XPOT: variants seen among roughly 807,000 people sequenced by gnomAD.
The protein encoded by XPOT is exportin-T.
Under a neutral mutation model 128.2 loss-of-function variants are expected in XPOT, and 34 were observed. The ratio of observed to expected loss-of-function variants is 0.27; its 90% CI spans 0.20 to 0.35. The LOEUF is 0.35. XPOT is among the 10% of genes least tolerant of loss of function. XPOT has a pLI of 1.00. For synonymous variants in XPOT, 348 were observed against 394.3 expected, an observed-to-expected ratio of 0.88 and a Z score of 1.39; for missense variants, 838 against 1,125.3, an observed-to-expected ratio of 0.74 and a Z score of 3.65.
At position 64,439,158 on chromosome 12, in the gene XPOT, T is replaced by C. The variant is rs1470762621; in HGVS notation, c.2734-86T>C. 6.8e-6 allele frequency: 9 copies of C among 1,319,250 alleles called. No individual in the cohort carries two copies. The Admixed American group carries it at 1.4e-4, about 20-fold the overall frequency. 81.7% of individuals were successfully genotyped at this position (1,319,250 alleles called of 1,614,324 possible). A position where few individuals can be genotyped will look rare whatever the true frequency, so the allele number is the denominator to read the frequency against. On this transcript the variant is annotated intron_variant, in intron 22 of 24. Coordinates refer to ENST00000332707, the MANE Select transcript of XPOT (RefSeq NM_007235.6). Reference sequence around the variant, plus strand: ...TCTTAAGCACAATACTATATTGCCTTTAAAGTGTACATGTATTGTTCCGAT... The same window carrying C: ...TCTTAAGCACAATACTATATTGCCTCTAAAGTGTACATGTATTGTTCCGAT...
At chr12:64,432,232 C>T (rs985404731) in intron 18 of XPOT, among the ~76,000 whole-genome samples, 1 of 151,988 alleles carries the variant, frequency 6.6e-6, no homozygotes, top group Admixed American at 6.6e-5. Context: ...TTACATAGTA[C>T]CTCTTTTTTC....
intron 22 of XPOT, among the ~76,000 whole-genome samples, chr12:64,438,712 G>C (rs1286803648): frequency 1.3e-5 from 2 of 150,762 alleles, no homozygotes; most frequent in African/African-American, 4.9e-5. Context: ...ACTGCAGCCT[G>C]CGCCTGCCAG....
At chr12:64,426,111 G>T (rs1397692429) in intron 15 of XPOT, among the ~76,000 whole-genome samples, 1 of 151,910 alleles carries the variant, frequency 6.6e-6, no homozygotes, top group African/African-American at 2.4e-5. Context: ...TTGGAGACCA[G>T]CCTGGCCAAC....
Position 64,425,462 on chromosome 12 carries a change from G to A in XPOT, c.1572+5G>A. ...CAGCACATTCCATGTGTACTAGTAA[G>A]TACTCTGGATTTTTGTTACTTTCCA... On this transcript the variant is annotated splice_donor_5th_base_variant and intron_variant, in intron 14 of 24. Coordinates refer to ENST00000332707, the MANE Select transcript of XPOT (RefSeq NM_007235.6). 1 of 1,612,564 alleles carries A rather than the reference G, an allele frequency of 6.2e-7. No individual in the cohort carries two copies. The highest frequency in any genetic ancestry group is 8.5e-7 in the Non-Finnish European group (1 of 1,179,534).
At chr12:64,444,231 T>A (rs1461601768) in intron 23 of XPOT, among the ~76,000 whole-genome samples, 2 of 152,192 alleles carry the variant, frequency 1.3e-5, no homozygotes, top group Admixed American at 1.3e-4. Flanking sequence ...ATGTAGTTTT[T>A]GTCCCATTCA....
intron 9 of XPOT, 103 bp from the exon 10 acceptor site, chr12:64,422,902 C>CAACAA: frequency 1.2e-6 from 1 of 869,526 alleles, no homozygotes; most frequent in South Asian, 1.8e-5. Context: ...GACCTTGTCT[C>CAACAA]AAAAAAAAAA....
chr12:64,433,290 T>G, intron 18 of XPOT, 124 bp from the exon 19 acceptor site: 2 of 902,832 alleles, frequency 2.2e-6, no homozygotes, highest in Non-Finnish European at 3.3e-6. Context: ...AATTGATATT[T>G]GCTAACTGAA....
Position 64,430,060 on chromosome 12 carries a change from C to T in XPOT, c.1749C>T (p.His583=), listed in dbSNP as rs1000921285. 2.5e-6 allele frequency: 4 copies of T among 1,587,956 alleles called. No homozygotes were observed. Among genetic ancestry groups the T allele is most frequent in the Non-Finnish European group, 2.6e-6 (3 of 1,170,112 alleles). ...GAATTTCATTCTAGGAGAATGGCCA[C>T]CAGTCCTTACTGAGCAGCGATGATC... ...LLELSPPENG[H]QSLLSSDDQL... The change falls in exon 17 of 25, where the codon CAC becomes CAT. Residue 583 remains histidine (H), a synonymous_variant. Transcript: ENST00000332707.
intron 16 of XPOT, among the ~76,000 whole-genome samples, chr12:64,429,316 A>G (rs2040217804): frequency 6.6e-6 from 1 of 152,220 alleles, no homozygotes. Flanking sequence ...CACTGAGGGC[A>G]GGTCTTCCCC....
intron 22 of XPOT, among the ~76,000 whole-genome samples, chr12:64,436,825 C>T (rs1201250907): frequency 6.6e-6 from 1 of 152,220 alleles, no homozygotes; most frequent in Non-Finnish European, 1.5e-5. Context: ...AAACATTCCT[C>T]CTGCCTTGGC....
intron 16 of XPOT, 78 bp downstream of exon 16, chr12:64,428,198 C>A: frequency 5.0e-6 from 5 of 999,184 alleles, no homozygotes; most frequent in Middle Eastern, 2.1e-4. Flanking sequence ...CCTTTGTTGG[C>A]ATTTAAAAAA....
intron 22 of XPOT, among the ~76,000 whole-genome samples, chr12:64,437,081 A>T (rs192696659): frequency 1.2e-3 from 187 of 152,294 alleles, no homozygotes; most frequent in African/African-American, 4.2e-3. Flanking sequence ...AGTGGTCTCC[A>T]TTCAGCTGTG....
At chr12:64,443,701 C>A (rs2040345619) in intron 23 of XPOT, among the ~76,000 whole-genome samples, 1 of 152,084 alleles carries the variant, frequency 6.6e-6, no homozygotes, top group Admixed American at 6.6e-5. Flanking sequence ...GTGATCCGGC[C>A]ACTTTGACCT....
chr12:64,441,958 C>T (rs900052870), intron 23 of XPOT, among the ~76,000 whole-genome samples: 4 of 151,996 alleles, frequency 2.6e-5, no homozygotes, highest in Non-Finnish European at 5.9e-5. Flanking sequence ...GGATTACGGG[C>T]GTGAGCCACC....
intron 16 of XPOT, among the ~76,000 whole-genome samples, chr12:64,429,251 T>C (rs115294800): frequency 0.014 from 2,175 of 152,254 alleles, 44 homozygotes; most frequent in African/African-American, 0.049. Context: ...GAGACCAATT[T>C]GCCTTATGTA....
At chr12:64,412,140 C>T (rs914229236) in intron 2 of XPOT, among the ~76,000 whole-genome samples, 5 of 151,196 alleles carry the variant, frequency 3.3e-5, no homozygotes, top group African/African-American at 1.2e-4. Context: ...TCTCCTGCCT[C>T]AGCTGGGATT....
chr12:64,408,309 T>G (rs768374320), intron 1 of XPOT, among the ~76,000 whole-genome samples: 2 of 152,242 alleles, frequency 1.3e-5, no homozygotes, highest in Non-Finnish European at 1.5e-5. Context: ...GATTTTACCA[T>G]GTTGGCCAGG....
At chr12:64,444,632 G>A (rs2040353575) in intron 23 of XPOT, among the ~76,000 whole-genome samples, 2 of 152,168 alleles carry the variant, frequency 1.3e-5, no homozygotes, top group South Asian at 2.1e-4. Flanking sequence ...GTGGTTGCCA[G>A]GGGCTGGAGT....
rs1242287010 is a variant in XPOT, at chr12:64,450,160, TTTC to T, written c.*2032_*2034del. 4 of 152,110 alleles carry T rather than the reference TTTC, an allele frequency of 2.6e-5. No homozygotes were observed. In the East Asian group the frequency reaches 5.8e-4, roughly 22 times the overall value. The allele number at this position is 152,110 out of a possible 1,614,324, so 9.4% of individuals were successfully genotyped here. On this transcript the variant is annotated 3_prime_UTR_variant, in exon 25 of 25. Transcript: ENST00000332707. ...TAATAGTGTATCACTATACTTTTTT[TTTC>T]TTTTTTTTTTTTGAATAGAGATCAG... is the stretch of plus-strand genomic sequence containing the variant.
Sources: gnomAD v4.1 joint callset for allele counts (sites outside exome capture counted in the v4.1 genomes callset) on GRCh38, gnomAD v4.1.1 for gene constraint, MANE v1.5 for transcripts, NCBI Gene and HGNC (gene_info 2026-07-23, HGNC 2026-07-21) for gene names.